CTPS1: variants seen among roughly 807,000 people sequenced by gnomAD.
The protein encoded by CTPS1 is CTP synthetase 1.
A neutral mutation model predicts 80.5 loss-of-function variants in CTPS1; 25 were observed. The observed-to-expected ratio is 0.31, with a 90% CI of 0.23 to 0.43. CTPS1 has a LOEUF of 0.43. Ranked by LOEUF, CTPS1 falls within the 20% of genes least tolerant of loss-of-function variation. The probability of loss-of-function intolerance (pLI) is 1.00; values close to 1 mark genes in which losing one functional copy is unlikely to be tolerated. For synonymous variants in CTPS1, 267 were observed against 252.5 expected (o/e 1.06, Z -0.54); for missense variants, 442 against 725.7 (o/e 0.61, Z 4.49).
chr1:41,002,039 T>C, intron 10 of CTPS1, 121 bp from the exon 11 acceptor site: 1 of 824,498 alleles, frequency 1.2e-6, no homozygotes, highest in Non-Finnish European at 2.1e-6. Flanking sequence ...ATTGTCACAG[T>C]AGCACAATGT....
rs773797686 is a variant in CTPS1, at chr1:40,987,332, T to C, written c.338-40T>C. On this transcript the variant is annotated intron_variant, in intron 3 of 18. Transcript: ENST00000650070. Reference sequence around the variant, plus strand: ...GTGCATTTGTCTCAATCAATGTAGATGGACAAGCGTAAGTTCCCTGTTTGT... The same window carrying C: ...GTGCATTTGTCTCAATCAATGTAGACGGACAAGCGTAAGTTCCCTGTTTGT... 82 of 1,433,758 alleles carry C rather than the reference T, an allele frequency of 5.7e-5. 1 individual carries two copies. The South Asian group carries it at 8.5e-4, about 15-fold the overall frequency. 88.8% of individuals were successfully genotyped at this position (1,433,758 alleles called of 1,614,324 possible). A position where few individuals can be genotyped will look rare whatever the true frequency, so the allele number is the denominator to read the frequency against.
intron 11 of CTPS1, 67 bp from the exon 12 acceptor site, chr1:41,003,047 G>C: frequency 6.5e-7 from 1 of 1,529,594 alleles, no homozygotes; most frequent in East Asian, 2.2e-5. Context: ...CATTGCAGAG[G>C]CTGCTGGGAA....
In CTPS1 at chr1:41,002,340, G is replaced by A. The variant is rs1164339973; in HGVS notation, c.1189+86G>A. The A allele has an allele frequency of 1.1e-5, 12 of 1,054,370 alleles. No individual in the cohort carries two copies. The Admixed American group carries it at 2.1e-4, about 19-fold the overall frequency. The allele number at this position is 1,054,370 out of a possible 1,614,324, so 65.3% of individuals were successfully genotyped here. On this transcript the variant is annotated intron_variant, in intron 11 of 18. Coordinates refer to ENST00000650070, the MANE Select transcript of CTPS1 (RefSeq NM_001905.4). ...CGTGGGAGCCTATGAACAAAGTGGG[G>A]GGATTACTGAAACATGCTGTCTTTG...
intron 7 of CTPS1, among the ~76,000 whole-genome samples, chr1:40,993,376 G>T (rs1389508057): frequency 6.6e-6 from 1 of 151,842 alleles, no homozygotes; most frequent in Non-Finnish European, 1.5e-5. Context: ...AAGAGACAAG[G>T]TCTTGCTGTG....
chr1:40,997,086 G>C (rs937695516), intron 8 of CTPS1: 2 of 256,736 alleles, frequency 7.8e-6, no homozygotes, highest in African/African-American at 4.5e-5. Flanking sequence ...ACAGAACTCA[G>C]ATAATAGCTA....
At chr1:41,011,417 C>A (rs958113074) in intron 18 of CTPS1, among the ~76,000 whole-genome samples, 1 of 152,106 alleles carries the variant, frequency 6.6e-6, no homozygotes, top group Admixed American at 6.6e-5. Flanking sequence ...GACACTGTTA[C>A]GAGGTGCTGT....
chr1:41,003,159 A>G lies in CTPS1; in HGVS notation c.1235A>G (p.Asn412Ser), dbSNP rs928104008. 32 of 1,614,034 alleles carry G rather than the reference A, an allele frequency of 2.0e-5. No homozygotes were observed. The highest frequency in any genetic ancestry group is 1.1e-4 in the African/African-American group (8 of 74,918). ...MQLAVVEFSR[N>S]VLGWQDANST... ...TTGGCAGTGGTTGAATTCTCAAGAA[A>G]CGTGCTGGGATGGCAAGGTAAGCGT... is the stretch of plus-strand genomic sequence containing the variant. The change falls in exon 12 of 19, where the codon AAC becomes AGC. Residue 412 changes from asparagine (N) to serine (S), a missense_variant. Physicochemically the swap from Asn to Ser is conservative, Grantham distance 46 (BLOSUM62 1). Coordinates refer to ENST00000650070, the MANE Select transcript of CTPS1 (RefSeq NM_001905.4).
chr1:41,009,107 GCA>G (rs1643105606), intron 16 of CTPS1, among the ~76,000 whole-genome samples: 1 of 152,134 alleles, frequency 6.6e-6, no homozygotes, highest in South Asian at 2.1e-4. Context: ...ACTTCTGGCC[GCA>G]GTTTCTCCTT....
chr1:40,999,872 A>G (rs956212774), intron 9 of CTPS1, among the ~76,000 whole-genome samples: 2 of 152,200 alleles, frequency 1.3e-5, no homozygotes, highest in African/African-American at 4.8e-5. Flanking sequence ...CAGGCTGAAC[A>G]CTGACTGGCT....
chr1:40,986,486 A>G (rs1642456953), intron 3 of CTPS1, among the ~76,000 whole-genome samples: 3 of 152,248 alleles, frequency 2.0e-5, no homozygotes, highest in African/African-American at 7.2e-5. Flanking sequence ...GAAGCCACCG[A>G]AAAGTTGAAG....
intron 14 of CTPS1, among the ~76,000 whole-genome samples, chr1:41,008,198 G>A (rs891433143): frequency 4.6e-5 from 7 of 152,188 alleles, no homozygotes; most frequent in East Asian, 1.9e-4. Flanking sequence ...CAGCCCGTTC[G>A]CAAATGTCCA....
At chr1:41,009,707 G>A in intron 17 of CTPS1, 118 bp downstream of exon 17, 1 of 1,250,054 alleles carries the variant, frequency 8.0e-7, no homozygotes, top group Non-Finnish European at 1.1e-6. Flanking sequence ...ACAGGCGCCT[G>A]GGGTGAAAGT....
At chr1:41,008,546 C>G (rs1643091496) in intron 14 of CTPS1, 113 bp from the exon 15 acceptor site, 1 of 1,145,158 alleles carries the variant, frequency 8.7e-7, no homozygotes, top group Non-Finnish European at 1.3e-6. Context: ...AAATAGCCCT[C>G]AAAAGACCTG....
intron 17 of CTPS1, 22 bp downstream of exon 17, chr1:41,009,611 G>GTAA: frequency 6.2e-7 from 1 of 1,611,638 alleles, no homozygotes; most frequent in Middle Eastern, 1.7e-4. Flanking sequence ...CTTTGCTTCA[G>GTAA]TAATCCATTA....
At chr1:40,997,265 A>G in intron 8 of CTPS1, 129 bp from the exon 9 acceptor site, 2 of 1,125,666 alleles carry the variant, frequency 1.8e-6, no homozygotes, top group Admixed American at 5.0e-5. Context: ...AAGTGCTGGG[A>G]TTATAGGATT....
chr1:40,992,214 C>T (rs1262108169), intron 7 of CTPS1, among the ~76,000 whole-genome samples: 2 of 152,218 alleles, frequency 1.3e-5, no homozygotes, highest in East Asian at 1.9e-4. Flanking sequence ...CAGGTTCTAG[C>T]GAAGACATAG....
intron 9 of CTPS1, among the ~76,000 whole-genome samples, chr1:41,000,538 C>T (rs1642878581): frequency 6.6e-6 from 1 of 151,990 alleles, no homozygotes; most frequent in Non-Finnish European, 1.5e-5. Flanking sequence ...TAGGTGTGAG[C>T]CACCACGCCC....
intron 7 of CTPS1, among the ~76,000 whole-genome samples, chr1:40,994,470 A>T (rs762772315): frequency 2.2e-4 from 33 of 152,332 alleles, no homozygotes; most frequent in Non-Finnish European, 3.2e-4. Flanking sequence ...GTGTATTTTT[A>T]AAAATTATAT....
At chr1:40,986,710 A>G (rs1294898864) in intron 3 of CTPS1, among the ~76,000 whole-genome samples, 2 of 152,208 alleles carry the variant, frequency 1.3e-5, no homozygotes, top group Non-Finnish European at 2.9e-5. Flanking sequence ...GTGTTGAGCA[A>G]TTGCTGGCAT....
Sources: allele counts gnomAD v4.1 joint callset (sites outside exome capture counted in the v4.1 genomes callset), GRCh38; gene constraint gnomAD v4.1.1; transcripts MANE v1.5; gene names NCBI Gene and HGNC (gene_info 2026-07-23, HGNC 2026-07-21).